Variants in ZFHX4 observed in about 807,000 individuals in gnomAD.
The protein encoded by ZFHX4 is zinc finger homeobox 4.
In ZFHX4, 56 loss-of-function variants were observed where a neutral mutation model predicts 267.6. The observed-to-expected ratio is 0.21, with a 90% confidence interval of 0.17 to 0.26. The LOEUF is 0.26. ZFHX4 is among the 10% of genes least tolerant of loss of function. The pLI is 1.00. For synonymous variants in ZFHX4, 1,778 were observed against 1,665.6 expected (o/e 1.07, Z -1.64); for missense variants, 4,332 against 4,420.0 (o/e 0.98, Z 0.56).
chr8:76,778,456 A>C lies in ZFHX4; in HGVS notation c.3325+17A>C. ...ATGAGCTTGGTGAGTAACCCTGAAG[A>C]GGGCTGTCTCTGAGCCTCCCTCCAC... On this transcript the variant is annotated intron_variant, in intron 4 of 10. Transcript: ENST00000651372. 1 of 1,603,694 alleles carries C rather than the reference A, an allele frequency of 6.2e-7. No homozygotes were observed. Among genetic ancestry groups the C allele is most frequent in the Non-Finnish European group, 8.5e-7 (1 of 1,171,684 alleles).
chr8:76,857,814 T>A (rs964853553), intron 10 of ZFHX4, among the ~76,000 whole-genome samples: 2 of 151,846 alleles, frequency 1.3e-5, no homozygotes, highest in Non-Finnish European at 2.9e-5. Flanking sequence ...AAAATACAAG[T>A]GTTTGAAGAA....
At chr8:76,751,165 T>C (rs1047335528) in intron 3 of ZFHX4, among the ~76,000 whole-genome samples, 3 of 152,130 alleles carry the variant, frequency 2.0e-5, no homozygotes, top group African/African-American at 7.2e-5. Context: ...TGGCCACATG[T>C]CCCTCTCATC....
Position 76,705,966 on chromosome 8 carries a change from G to T in ZFHX4, c.1878G>T (p.Arg626Ser), listed in dbSNP as rs905794706. 5 of 1,612,954 alleles carry T rather than the reference G, an allele frequency of 3.1e-6. No homozygotes were observed. Among genetic ancestry groups the T allele is most frequent in the Non-Finnish European group, 1.7e-6 (2 of 1,179,610 alleles). Residue 626 changes from arginine (R) to serine (S), a missense_variant, in exon 2 of 11, where the codon AGG becomes AGT. Physicochemically the swap from Arg to Ser is moderately radical, Grantham distance 110. Coordinates refer to ENST00000651372, the MANE Select transcript of ZFHX4 (RefSeq NM_024721.5). ...PKCDTVLGSS[R>S]SLGGHMTMMH... ...GCGACACTGTGTTGGGGTCTTCGAG[G>T]TCTCTTGGTGGTCATATGACTATGA...
Position 76,827,772 on chromosome 8 carries a change from G to A in ZFHX4, c.3326-5566G>A, listed in dbSNP as rs149084387. On this transcript the variant is annotated intron_variant, in intron 4 of 10. Transcript: ENST00000651372. ...CAAATTCCTGGCTGAGGAGGCCCCA[G>A]GAGATAGTACTCCCTTACTATATAA... Among the ~76,000 whole-genome samples the A allele has an allele frequency of 1.6e-3, 237 of 152,244 alleles. 1 individual carries two copies. Among genetic ancestry groups the A allele is most frequent in the African/African-American group, 5.3e-3 (220 of 41,542 alleles).
chr8:76,716,703 G>T (rs1808584844), intron 3 of ZFHX4, among the ~76,000 whole-genome samples: 2 of 152,142 alleles, frequency 1.3e-5, no homozygotes, highest in African/African-American at 2.4e-5. Context: ...TTGTGCACAT[G>T]AATGTAGTCT....
At chr8:76,840,326 C>T (rs938194403) in intron 5 of ZFHX4, among the ~76,000 whole-genome samples, 1 of 152,152 alleles carries the variant, frequency 6.6e-6, no homozygotes, top group South Asian at 2.1e-4. Flanking sequence ...TGATGGGGAG[C>T]GTCTATCCCA....
In ZFHX4 at chr8:76,705,728, G is replaced by A. The variant is rs1808242981; in HGVS notation, c.1640G>A (p.Ser547Asn). The change falls in exon 2 of 11, where the codon AGT (serine) becomes AAT (asparagine). Residue 547 changes from serine to asparagine, a missense_variant. Physicochemically the swap from Ser to Asn is conservative, Grantham distance 46. Coordinates refer to ENST00000651372, the MANE Select transcript of ZFHX4 (RefSeq NM_024721.5). ...ACTGCTGCTGTTAGGGCCAGTGGCAGTGTTGCTAGTAACTATGGCATCAGT... is the reference window on the plus strand; with the variant it reads ...ACTGCTGCTGTTAGGGCCAGTGGCAATGTTGCTAGTAACTATGGCATCAGT... ...KQTAAVRASG[S>N]VASNYGISGK... The A allele has an allele frequency of 6.2e-7, 1 of 1,613,926 alleles. No individual in the cohort carries two copies. Among genetic ancestry groups the A allele is most frequent in the East Asian group, 2.2e-5 (1 of 44,894 alleles).
In ZFHX4 at chr8:76,854,561, T is replaced by C; in HGVS notation, c.7640T>C (p.Met2547Thr). 1.2e-6 allele frequency: 2 copies of C among 1,613,898 alleles called. No individual in the cohort carries two copies. The highest frequency in any genetic ancestry group is 1.7e-6 in the Non-Finnish European group (2 of 1,179,870). The change falls in exon 10 of 11, where the codon ATG (methionine) becomes ACG (threonine). Residue 2547 changes from methionine (M) to threonine (T), a missense_variant. Physicochemically the swap from Met to Thr is moderately conservative, Grantham distance 81. Transcript: ENST00000651372. ...ATATTTGACCCCAACAATCCGCTGATGACTGGACAACTGCTGGGCAGTTCC... is the reference window on the plus strand; with the variant it reads ...ATATTTGACCCCAACAATCCGCTGACGACTGGACAACTGCTGGGCAGTTCC... ...YMIFDPNNPL[M>T]TGQLLGSSLT...
At chr8:76,834,327 G>T in intron 5 of ZFHX4, 1 of 249,546 alleles carries the variant, frequency 4.0e-6, no homozygotes, top group Non-Finnish European at 8.2e-6. Context: ...TTCCAAAGTG[G>T]TTGTACCATT....
At chr8:76,860,412 T>A (rs759409129) in intron 10 of ZFHX4, among the ~76,000 whole-genome samples, 33 of 152,218 alleles carry the variant, frequency 2.2e-4, no homozygotes, top group African/African-American at 7.9e-4. Flanking sequence ...TAAAAACATG[T>A]AGACCCTTCA....
intron 4 of ZFHX4, among the ~76,000 whole-genome samples, chr8:76,827,837 G>A (rs574269642): frequency 6.6e-6 from 1 of 152,230 alleles, no homozygotes; most frequent in Non-Finnish European, 1.5e-5. Context: ...CAGGGCAAAG[G>A]AGCTTTACTT....
intron 3 of ZFHX4, among the ~76,000 whole-genome samples, chr8:76,748,465 T>C (rs1055553391): frequency 6.6e-6 from 1 of 152,220 alleles, no homozygotes; most frequent in Non-Finnish European, 1.5e-5. Flanking sequence ...GTTGACAAGA[T>C]CTCGCTGTCC....
chr8:76,711,599 G>A (rs923170433), intron 3 of ZFHX4, among the ~76,000 whole-genome samples: 4 of 151,938 alleles, frequency 2.6e-5, no homozygotes, highest in African/African-American at 9.7e-5. Context: ...AAAATAATTG[G>A]TTCTCAATAA....
intron 4 of ZFHX4, among the ~76,000 whole-genome samples, chr8:76,785,912 C>T (rs1810675579): frequency 6.6e-6 from 1 of 152,140 alleles, no homozygotes; most frequent in Admixed American, 6.6e-5. Flanking sequence ...GTAAAACAGT[C>T]CAGATTTTGA....
rs532115635 is a variant in ZFHX4, at chr8:76,855,192, T to C, written c.8271T>C (p.Ser2757=). 4.3e-6 allele frequency: 7 copies of C among 1,613,266 alleles called. No homozygotes were observed. Among genetic ancestry groups the C allele is most frequent in the Admixed American group, 3.3e-5 (2 of 59,908 alleles). ...ELASTVSTPV[S]KTAELSPKNL... ...CTTCTACAGTGTCAACACCTGTTAG[T>C]AAAACAGCAGAGCTGTCACCGAAGA... Residue 2757 remains serine (S), a synonymous_variant, in exon 10 of 11, where the codon AGT becomes AGC. Coordinates refer to ENST00000651372, the MANE Select transcript of ZFHX4 (RefSeq NM_024721.5).
chr8:76,781,175 T>G (rs1482630620), intron 4 of ZFHX4, among the ~76,000 whole-genome samples: 1 of 152,116 alleles, frequency 6.6e-6, no homozygotes, highest in Middle Eastern at 3.2e-3. Flanking sequence ...ACTACTGATA[T>G]TCATCCAGTG....
At chr8:76,700,398 A>G (rs532186230) in intron 1 of ZFHX4, among the ~76,000 whole-genome samples, 2 of 152,264 alleles carry the variant, frequency 1.3e-5, no homozygotes, top group South Asian at 4.1e-4. Flanking sequence ...ACTGGACCGT[A>G]GAAGAGGGCT....
intron 3 of ZFHX4, among the ~76,000 whole-genome samples, chr8:76,754,068 C>T (rs549973356): frequency 2.6e-4 from 39 of 152,068 alleles, no homozygotes; most frequent in Middle Eastern, 3.2e-3. Flanking sequence ...ACTGGTAGAA[C>T]GTGATTCTTA....
chr8:76,728,757 C>T (rs921104271), intron 3 of ZFHX4, among the ~76,000 whole-genome samples: 1 of 151,992 alleles, frequency 6.6e-6, no homozygotes, highest in Non-Finnish European at 1.5e-5. Context: ...GGGAGAGCAC[C>T]CCCCCAATCT....
Sources: gnomAD v4.1 joint callset for allele counts (sites outside exome capture counted in the v4.1 genomes callset) on GRCh38, gnomAD v4.1.1 for gene constraint, MANE v1.5 for transcripts, NCBI Gene and HGNC (gene_info 2026-07-23, HGNC 2026-07-21) for gene names.